Variants in NCAM2 observed in about 807,000 individuals in gnomAD.
NCAM2 encodes neural cell adhesion molecule 2.
NCAM2 carries 30 observed loss-of-function variants against 98.1 expected under a neutral mutation model. The observed-to-expected ratio is 0.31, with a 90% confidence interval of 0.23 to 0.41. The LOEUF (loss-of-function observed/expected upper bound fraction) is 0.41, where lower values mean the gene tolerates loss of function less well. NCAM2 is among the 10% of genes least tolerant of loss of function. The pLI is 1.00. For missense variants in NCAM2, 867 were observed against 1,005.8 expected (o/e 0.86, Z 1.87); for synonymous variants, 368 against 342.4 (o/e 1.07, Z -0.83).
intron 1 of NCAM2, among the ~76,000 whole-genome samples, chr21:21,082,087 G>T (rs1283954029): frequency 1.3e-5 from 2 of 151,624 alleles, no homozygotes; most frequent in East Asian, 1.9e-4. Flanking sequence ...AATTAGCCGG[G>T]CGTGGTGGCA....
At chr21:21,217,108 T>C (rs147756367) in intron 1 of NCAM2, among the ~76,000 whole-genome samples, 25 of 152,312 alleles carry the variant, frequency 1.6e-4, no homozygotes, top group African/African-American at 5.3e-4. Flanking sequence ...AGGGAGTTTT[T>C]CTCTGGGTAG....
At chr21:21,469,428 T>G (rs1335922833) in intron 14 of NCAM2, among the ~76,000 whole-genome samples, 3 of 152,004 alleles carry the variant, frequency 2.0e-5, no homozygotes, top group Non-Finnish European at 4.4e-5. Context: ...CCACTGAAAA[T>G]AATTTCTTCA....
At chr21:21,331,517 C>CTCTCTCTCTCTCTATATATATATA (rs1483062198) in intron 6 of NCAM2, among the ~76,000 whole-genome samples, 3 of 6,938 alleles carry the variant, frequency 4.3e-4, no homozygotes, top group East Asian at 2.3e-3. Flanking sequence ...CTCTCTCTCT[C>CTCTCTCTCTCTCTATATATATATA]TATATATATA....
intron 1 of NCAM2, among the ~76,000 whole-genome samples, chr21:21,203,861 A>G (rs541303664): frequency 1.6e-4 from 25 of 152,284 alleles, no homozygotes; most frequent in Non-Finnish European, 2.9e-4. Flanking sequence ...AGGCTTATTT[A>G]TAACTTAAGT....
intron 1 of NCAM2, among the ~76,000 whole-genome samples, chr21:21,030,825 T>C (rs2064666870): frequency 6.6e-6 from 1 of 152,196 alleles, no homozygotes; most frequent in South Asian, 2.1e-4. Context: ...ACTGACTTTG[T>C]TTAAAAGTTA....
intron 14 of NCAM2, among the ~76,000 whole-genome samples, chr21:21,475,854 A>G (rs73896925): frequency 0.016 from 2,404 of 152,220 alleles, 70 homozygotes; most frequent in African/African-American, 0.055. Context: ...TGGAAGTTCT[A>G]TGTCACCAAA....
intron 1 of NCAM2, among the ~76,000 whole-genome samples, chr21:21,064,763 C>T (rs1265420890): frequency 6.6e-6 from 1 of 152,200 alleles, no homozygotes; most frequent in African/African-American, 2.4e-5. Flanking sequence ...CTTATTATAA[C>T]TGTTTACATA....
At chr21:20,999,847 TG>T (rs1458435419) in intron 1 of NCAM2, among the ~76,000 whole-genome samples, 1 of 152,200 alleles carries the variant, frequency 6.6e-6, no homozygotes, top group Non-Finnish European at 1.5e-5. Context: ...CAGCAGGGCT[TG>T]ACATTTTGGA....
chr21:21,513,140 GA>G (rs1988498541), intron 16 of NCAM2, among the ~76,000 whole-genome samples: 1 of 152,064 alleles, frequency 6.6e-6, no homozygotes, highest in Non-Finnish European at 1.5e-5. Flanking sequence ...GGTGAAAGTA[GA>G]CATCCTTGTC....
Position 21,535,995 on chromosome 21 carries a change from T to C in NCAM2, c.2402+1339T>C, listed in dbSNP as rs1989962209. Among the ~76,000 whole-genome samples the C allele has an allele frequency of 2.0e-5, 3 of 152,274 alleles. No individual in the cohort carries two copies. In the South Asian group the frequency reaches 6.2e-4, roughly 32 times the overall value. ...GAGATATATTATTATGCTAACTTAC[T>C]ATCAGAACTCTAATCAGAACTCTTT... is the stretch of plus-strand genomic sequence containing the variant. On this transcript the variant is annotated intron_variant, in intron 17 of 17. Transcript: ENST00000400546.
At chr21:21,161,515 A>G (rs190803544) in intron 1 of NCAM2, among the ~76,000 whole-genome samples, 68 of 151,828 alleles carry the variant, frequency 4.5e-4, no homozygotes, top group African/African-American at 1.4e-3. Flanking sequence ...CAACAATCTC[A>G]TAATTGAGAA....
intron 8 of NCAM2, among the ~76,000 whole-genome samples, chr21:21,346,289 A>G (rs1272627934): frequency 6.6e-6 from 1 of 152,020 alleles, no homozygotes; most frequent in African/African-American, 2.4e-5. Flanking sequence ...GAAAAGACAA[A>G]GAAGGTTAAT....
intron 12 of NCAM2, among the ~76,000 whole-genome samples, chr21:21,455,948 A>G (rs758479338): frequency 8.5e-5 from 13 of 152,070 alleles, no homozygotes; most frequent in Non-Finnish European, 1.3e-4. Flanking sequence ...AAATATTATT[A>G]TGAATTTCTT....
intron 15 of NCAM2, among the ~76,000 whole-genome samples, chr21:21,507,078 A>G (rs1056835611): frequency 6.6e-6 from 1 of 151,950 alleles, no homozygotes; most frequent in Non-Finnish European, 1.5e-5. Flanking sequence ...TTAGAATTAT[A>G]AGAAATAAAA....
At chr21:21,107,323 C>A (rs1172034554) in intron 1 of NCAM2, among the ~76,000 whole-genome samples, 1 of 151,658 alleles carries the variant, frequency 6.6e-6, no homozygotes, top group Non-Finnish European at 1.5e-5. Flanking sequence ...AATGGTGGTG[C>A]AAAAAAATAA....
intron 5 of NCAM2, among the ~76,000 whole-genome samples, chr21:21,324,112 A>G (rs2074447101): frequency 6.6e-6 from 1 of 152,202 alleles, no homozygotes; most frequent in South Asian, 2.1e-4. Context: ...TGCACATTAG[A>G]ACACAGATCA....
Position 21,490,919 on chromosome 21 carries a change from C to T in NCAM2, c.2077+13448C>T, listed in dbSNP as rs184629181. 6.2e-3 allele frequency among the ~76,000 whole-genome samples: 937 copies of T among 151,886 alleles called. 14 individuals carry two copies. The highest frequency in any genetic ancestry group is 0.021 in the African/African-American group (884 of 41,508). ...GTGTGTTTCATAGTATATTAAATGT[C>T]ATTTTATTTTCTGTACCTCTGTGTC... On this transcript the variant is annotated intron_variant, in intron 15 of 17. Transcript: ENST00000400546.
intron 11 of NCAM2, among the ~76,000 whole-genome samples, chr21:21,431,776 T>C (rs1236175888): frequency 1.3e-5 from 2 of 152,154 alleles, no homozygotes; most frequent in African/African-American, 4.8e-5. Context: ...TCTTTTATTT[T>C]TTTTTCTTAA....
intron 1 of NCAM2, among the ~76,000 whole-genome samples, chr21:21,252,012 C>A (rs1027034510): frequency 5.3e-5 from 8 of 151,970 alleles, no homozygotes; most frequent in Non-Finnish European, 1.0e-4. Flanking sequence ...AGGTTTTCTT[C>A]TAGGGTTTTT....
Sources: gnomAD v4.1 joint callset for allele counts (sites outside exome capture counted in the v4.1 genomes callset) on GRCh38, gnomAD v4.1.1 for gene constraint, MANE v1.5 for transcripts, NCBI Gene and HGNC (gene_info 2026-07-23, HGNC 2026-07-21) for gene names.